Variants in EP400 observed in about 807,000 individuals in gnomAD.
EP400 encodes the protein E1A binding protein p400, also known as E1A-binding protein p400.
A neutral mutation model predicts 354.1 loss-of-function variants in EP400; 105 were observed. The ratio of observed to expected loss-of-function variants is 0.30; its 90% CI spans 0.25 to 0.35. The LOEUF (loss-of-function observed/expected upper bound fraction) is 0.35. Ranked by LOEUF, EP400 falls within the 10% of genes least tolerant of loss-of-function variation. EP400 has a pLI of 1.00. For missense variants in EP400, 3,280 were observed against 4,121.0 expected (o/e 0.80, Z 5.59); for synonymous variants, 1,646 against 1,716.9 (o/e 0.96, Z 1.02).
At chr12:131,974,213 A>G (rs1892390835) in intron 2 of EP400, among the ~76,000 whole-genome samples, 1 of 152,120 alleles carries the variant, frequency 6.6e-6, no homozygotes, top group African/African-American at 2.4e-5. Flanking sequence ...TCCTGACCTC[A>G]GGTAATCCGC....
chr12:131,963,641 A>C, intron 2 of EP400: 1 of 1,597,296 alleles, frequency 6.3e-7, no homozygotes, highest in Non-Finnish European at 8.5e-7. Context: ...CAACCATTTC[A>C]GGTACTTTTC....
chr12:132,066,656 TTAAACTTTGTTGATCTTTG>T, intron 48 of EP400, 99 bp from the exon 49 acceptor site: 1 of 1,130,314 alleles, frequency 8.8e-7, no homozygotes, highest in East Asian at 2.7e-5. Flanking sequence ...TTGGGCCACT[TTAAACTTTGTTGATCTTTG>T]TAAATTTTCT....
Position 131,987,882 on chromosome 12 carries a change from G to A in EP400, c.2401G>A (p.Ala801Thr), listed in dbSNP as rs1892904158. The A allele has an allele frequency of 1.9e-6, 3 of 1,607,412 alleles. No homozygotes were observed. Among genetic ancestry groups the A allele is most frequent in the Non-Finnish European group, 2.5e-6 (3 of 1,176,542 alleles). Residue 801 changes from alanine (A) to threonine (T), a missense_variant, in exon 7 of 53, where the codon GCG becomes ACG. By Grantham distance (58) the Ala-to-Thr change is moderately conservative. Around this residue, in one of 20 missense-constraint regions of EP400, gnomAD observed 800 missense variants for 840.0 expected, o/e 0.95. Transcript: ENST00000389561. ...GGAGAGGAGGTGGAAGGTGGCTGCT[G>A]CGAAGAAGGTGGGTTGGAATGCGTG... The part of the protein sequence containing the change: ...AQERRWKVAA[A>T]KKLVRTVVRH...
intron 36 of EP400, 31 bp from the exon 37 acceptor site, chr12:132,044,769 A>G: frequency 6.2e-7 from 1 of 1,613,956 alleles, no homozygotes; most frequent in Non-Finnish European, 8.5e-7. Flanking sequence ...TGTGAGTTCC[A>G]CATCTCATGG....
Position 132,053,596 on chromosome 12 carries a change from T to C in EP400, c.7727T>C (p.Leu2576Pro). The C allele has an allele frequency of 2.0e-6, 3 of 1,537,982 alleles. No homozygotes were observed. The highest frequency in any genetic ancestry group is 2.6e-6 in the Non-Finnish European group (3 of 1,146,576). ...ACGACGGGGGGCAGTGCAGCCGTAC[T>C]GGTGAGCAGGGGCCTCCTCCCGGGC... Reference protein sequence around the residue: ...AITTGGSAAVLAGTIKTSVTG... With the variant: ...AITTGGSAAVPAGTIKTSVTG... The change falls in exon 43 of 53, where the codon CTG (leucine) becomes CCG (proline). Residue 2576 changes from leucine to proline, a missense_variant and splice_region_variant. Physicochemically the swap from Leu to Pro is moderately conservative, Grantham distance 98. This residue lies in a region of EP400 where 255 missense variants were observed against 295.9 expected (regional missense o/e 0.86). Coordinates refer to ENST00000389561, the MANE Select transcript of EP400 (RefSeq NM_015409.5).
At chr12:132,003,356 T>C (rs1893481421) in intron 12 of EP400, among the ~76,000 whole-genome samples, 1 of 152,112 alleles carries the variant, frequency 6.6e-6, no homozygotes, top group South Asian at 2.1e-4. Flanking sequence ...ATTTAAAATA[T>C]ATGAGAGGAT....
intron 47 of EP400, among the ~76,000 whole-genome samples, chr12:132,063,076 A>G (rs1420149194): frequency 2.0e-5 from 3 of 152,208 alleles, no homozygotes; most frequent in Non-Finnish European, 4.4e-5. Context: ...TTGGGAGAGC[A>G]GGCGATGGAC....
At chr12:131,957,703 C>T (rs1309412651) in intron 1 of EP400, among the ~76,000 whole-genome samples, 1 of 152,142 alleles carries the variant, frequency 6.6e-6, no homozygotes, top group Non-Finnish European at 1.5e-5. Flanking sequence ...TCAAGCGATT[C>T]TTCTGCCTCA....
At chr12:132,044,566 C>T in intron 35 of EP400, 105 bp from the exon 36 acceptor site, 1 of 1,391,400 alleles carries the variant, frequency 7.2e-7, no homozygotes, top group Non-Finnish European at 1.0e-6. Context: ...TCATGTTGAT[C>T]AGAACTTATT....
chr12:131,951,120 G>A (rs1311425764), intron 1 of EP400, among the ~76,000 whole-genome samples: 2 of 129,794 alleles, frequency 1.5e-5, no homozygotes, highest in Admixed American at 8.9e-5. Context: ...GTTTCATCAT[G>A]TTGGTCCGGC....
intron 15 of EP400, among the ~76,000 whole-genome samples, chr12:132,009,695 G>A (rs1893699132): frequency 1.3e-5 from 2 of 152,132 alleles, no homozygotes; most frequent in East Asian, 1.9e-4. Context: ...TGGTACAGGT[G>A]TCTGCTCAGG....
Position 131,960,705 on chromosome 12 carries a change from C to CGGGGG in EP400, c.88_89insGGGGG (p.Ala30GlyfsTer34). The CGGGGG allele has an allele frequency of 1.9e-6, 3 of 1,547,224 alleles. No homozygotes were observed. Among genetic ancestry groups the CGGGGG allele is most frequent in the African/African-American group, 1.4e-5 (1 of 71,944 alleles). On this transcript the variant is annotated frameshift_variant, in exon 2 of 53. Coordinates refer to ENST00000389561, the MANE Select transcript of EP400 (RefSeq NM_015409.5). LOFTEE classifies it high-confidence loss of function. ...CCTGGCAGCGAGGGTGAGGAGCAGC[C>CGGGGG]GGCCCACCCCAACCCACCCCCGTCC... is the stretch of plus-strand genomic sequence containing the variant.
chr12:131,994,616 C>T lies in EP400; in HGVS notation c.2738-251C>T, dbSNP rs747919225. Among the ~76,000 whole-genome samples the T allele has an allele frequency of 1.3e-5, 2 of 152,084 alleles. No homozygotes were observed. Among genetic ancestry groups the T allele is most frequent in the Non-Finnish European group, 2.9e-5 (2 of 68,020 alleles). On this transcript the variant is annotated intron_variant, in intron 11 of 52. Transcript: ENST00000389561. This position sits in a 1 kb window ranked among gnomAD's most constrained non-coding sequence, Gnocchi z 4.6. ...GAAGGTAGGAGGGTTGACAGCATTC[C>T]GTATGTTGGCCTGAAGAAGGTCTGC...
chr12:131,961,900 A>AGAGGAGGAG lies in EP400; in HGVS notation c.1290_1298dup (p.Glu435_Glu437dup), dbSNP rs752787745. 4 of 1,613,246 alleles carry AGAGGAGGAG rather than the reference A, an allele frequency of 2.5e-6. No individual in the cohort carries two copies. Among genetic ancestry groups the AGAGGAGGAG allele is most frequent in the South Asian group, 1.1e-5 (1 of 91,022 alleles). On this transcript the variant is annotated inframe_insertion, in exon 2 of 53. Transcript: ENST00000389561. ...GGCAGAATGATTTGGACATTGAAGA[A>AGAGGAGGAG]GAGGAGGAGGAGGAGGAAGAGGAGG...
intron 1 of EP400, among the ~76,000 whole-genome samples, chr12:131,955,834 G>A (rs999368388): frequency 6.6e-6 from 1 of 150,460 alleles, no homozygotes; most frequent in African/African-American, 2.5e-5. Context: ...TAGTAGAGAC[G>A]GGGGTTTCAC....
At position 131,992,186 on chromosome 12, in the gene EP400, C is replaced by G; in HGVS notation, c.2693C>G (p.Ser898Cys). ...LQESSLDSGM[S>C]GRKRKASISL... ...CTTTTCTTTCAGGATTCAGGAATGT[C>G]TGGAAGAAAAAGAAAAGCTAGCATA... Residue 898 changes from serine to cysteine, a missense_variant, in exon 11 of 53, where the codon TCT (serine) becomes TGT (cysteine). Ser to Cys is a moderately radical substitution (Grantham distance 112). Around this residue, in one of 20 missense-constraint regions of EP400, gnomAD observed 800 missense variants for 840.0 expected, o/e 0.95. Transcript: ENST00000389561. 1.2e-6 allele frequency: 2 copies of G among 1,608,868 alleles called. No individual in the cohort carries two copies. The highest frequency in any genetic ancestry group is 1.7e-6 in the Non-Finnish European group (2 of 1,179,958).
At position 131,986,662 on chromosome 12, in the gene EP400, C is replaced by T. The variant is rs765755316; in HGVS notation, c.2078C>T (p.Ser693Leu). The change falls in exon 6 of 53, where the codon TCA (serine) becomes TTA (leucine). Residue 693 changes from serine (S) to leucine (L), a missense_variant. Around this residue, in one of 20 missense-constraint regions of EP400, gnomAD observed 800 missense variants for 840.0 expected, o/e 0.95. Transcript: ENST00000389561. ...TCCTCTCCAGTAAATAGACCTTCCT[C>T]AGCCACCAATAAGGCACTATCTCCA... is the stretch of plus-strand genomic sequence containing the variant. ...ARSSPVNRPS[S>L]ATNKALSPVT... is the part of the protein sequence containing the mutation. 3.7e-6 allele frequency: 6 copies of T among 1,614,184 alleles called. No individual in the cohort carries two copies. The Admixed American group carries it at 8.3e-5, about 22-fold the overall frequency.
At position 132,005,106 on chromosome 12, in the gene EP400, C is replaced by G. The variant is rs1593340435; in HGVS notation, c.2857C>G (p.Leu953Val). 6.3e-7 allele frequency: 1 copy of G among 1,589,060 alleles called. No homozygotes were observed. Among genetic ancestry groups the G allele is most frequent in the Non-Finnish European group, 8.6e-7 (1 of 1,167,916 alleles). ...AELPLLDLMK[L>V]YEGAFLPSSQ... Reference sequence around the variant, plus strand: ...GCTGCCCCTCCTGGACCTGATGAAGCTGTACGAAGGCGCCTTCCTGCCGAG... The same window carrying G: ...GCTGCCCCTCCTGGACCTGATGAAGGTGTACGAAGGCGCCTTCCTGCCGAG... Residue 953 changes from leucine to valine, a missense_variant, in exon 13 of 53, where the codon CTG becomes GTG. Around this residue, in one of 20 missense-constraint regions of EP400, gnomAD observed 800 missense variants for 840.0 expected, o/e 0.95. Transcript: ENST00000389561.
At position 132,017,745 on chromosome 12, in the gene EP400, G is replaced by C. The variant is rs573275968; in HGVS notation, c.4110+24G>C. 5.6e-4 allele frequency: 840 copies of C among 1,507,956 alleles called. 15 individuals are homozygous for C. The South Asian group carries it at 7.4e-3, about 13-fold the overall frequency. 93.4% of individuals were successfully genotyped at this position (1,507,956 alleles called of 1,614,324 possible). On this transcript the variant is annotated intron_variant, in intron 20 of 52. Transcript: ENST00000389561. The surrounding 1 kb of genome is among the most constrained non-coding windows in gnomAD (Gnocchi z 5.0). ...AGGTAAGTGGAGGATCCAGAAAGCG[G>C]AATTACTGTTGGATATCTTTTCTAG...
Sources: gnomAD v4.1 joint callset for allele counts (sites outside exome capture counted in the v4.1 genomes callset) on GRCh38, gnomAD v4.1.1 for gene constraint, gnomAD v4.1.1 regional missense constraint, Gnocchi (gnomAD v3.1) non-coding constraint, MANE v1.5 for transcripts, NCBI Gene and HGNC (gene_info 2026-07-23, HGNC 2026-07-21) for gene names.